The following SUGCT variants were observed in gnomAD, a reference collection of about 807,000 sequenced individuals.
The protein encoded by SUGCT is succinyl-CoA:glutarate-CoA transferase, also known as succinyl-CoA:glutarate CoA-transferase.
A neutral mutation model predicts 55.0 loss-of-function variants in SUGCT; 41 were observed. That is an observed-to-expected ratio of 0.74 (90% CI 0.58 to 0.97). SUGCT has a LOEUF of 0.97. SUGCT is among the 50% of genes least tolerant of loss of function. The pLI, the probability that SUGCT is intolerant of heterozygous loss-of-function variation, is 0.00. For synonymous variants in SUGCT, 187 were observed against 200.4 expected (o/e 0.93, Z 0.56); for missense variants, 568 against 547.8 (o/e 1.04, Z -0.37).
At chr7:40,663,288 GT>G (rs1459265668) in intron 12 of SUGCT, among the ~76,000 whole-genome samples, 1 of 141,092 alleles carries the variant, frequency 7.1e-6, no homozygotes, top group Non-Finnish European at 1.6e-5. Context: ...TGTAATACAT[GT>G]ATATTTCAAA....
Position 40,762,021 on chromosome 7 carries a change from G to A in SUGCT, c.1153+12524G>A, listed in dbSNP as rs76569417. Among the ~76,000 whole-genome samples the A allele has an allele frequency of 7.7e-3, 1,172 of 152,260 alleles. 6 individuals carry two copies. The highest frequency in any genetic ancestry group is 0.011 in the Non-Finnish European group (737 of 68,004). Reference sequence around the variant, plus strand: ...ACCTGTGTGGTAAGAGACCTCCAGTGGGGGGCGGTGATTTCACTCCTAGTG... The same window carrying A: ...ACCTGTGTGGTAAGAGACCTCCAGTAGGGGGCGGTGATTTCACTCCTAGTG... On this transcript the variant is annotated intron_variant, in intron 13 of 13. Coordinates refer to ENST00000335693, the MANE Select transcript of SUGCT (RefSeq NM_001193313.2).
intron 13 of SUGCT, among the ~76,000 whole-genome samples, chr7:40,763,678 T>G (rs928467051): frequency 6.6e-6 from 1 of 152,150 alleles, no homozygotes; most frequent in South Asian, 2.1e-4. Flanking sequence ...GGCGGTTGGC[T>G]CCAGCTCACC....
rs577956254 is a variant in SUGCT, at chr7:40,167,806, G to A, written c.101-13141G>A. ...CAGATCTGGAGGGGTGGAAGTCAGCGGCGGGTCTGCGACAGCAGCAAACAG... is the reference window on the plus strand; with the variant it reads ...CAGATCTGGAGGGGTGGAAGTCAGCAGCGGGTCTGCGACAGCAGCAAACAG... On this transcript the variant is annotated intron_variant, in intron 1 of 13. Coordinates refer to ENST00000335693, the MANE Select transcript of SUGCT (RefSeq NM_001193313.2). Among the ~76,000 whole-genome samples the A allele has an allele frequency of 1.6e-3, 241 of 152,264 alleles. 2 individuals are homozygous for A. The highest frequency in any genetic ancestry group is 5.5e-3 in the African/African-American group (227 of 41,554).
chr7:40,677,682 G>T (rs553636959), intron 12 of SUGCT, among the ~76,000 whole-genome samples: 10 of 152,274 alleles, frequency 6.6e-5, no homozygotes, highest in Non-Finnish European at 7.4e-5. Context: ...TAATAAGAAC[G>T]TTCATATCTT....
intron 13 of SUGCT, among the ~76,000 whole-genome samples, chr7:40,819,397 C>T (rs934995003): frequency 6.6e-6 from 1 of 152,182 alleles, no homozygotes; most frequent in Non-Finnish European, 1.5e-5. Flanking sequence ...GTTCCTATTT[C>T]TCCACATCCT....
At chr7:41,012,891 G>A in the SUGCT span, among the ~76,000 whole-genome samples, 1 of 152,030 alleles carries the variant, frequency 6.6e-6, no homozygotes, top group Middle Eastern at 3.4e-3. Flanking sequence ...AAAATATTTT[G>A]ACCTTGTTTA....
the SUGCT span, among the ~76,000 whole-genome samples, chr7:40,882,883 C>G: frequency 6.6e-6 from 1 of 152,080 alleles, no homozygotes; most frequent in Non-Finnish European, 1.5e-5. Context: ...CAGAATTATT[C>G]CATATTGTTT....
intron 1 of SUGCT, among the ~76,000 whole-genome samples, chr7:40,146,620 C>T (rs1002135573): frequency 5.9e-5 from 9 of 152,248 alleles, no homozygotes; most frequent in Non-Finnish European, 1.3e-4. Flanking sequence ...AGGCACAGAT[C>T]GCTCATGCTA....
intron 9 of SUGCT, among the ~76,000 whole-genome samples, chr7:40,377,723 A>G (rs1784675395): frequency 6.6e-6 from 1 of 152,226 alleles, no homozygotes; most frequent in African/African-American, 2.4e-5. Flanking sequence ...TAGTTACTAT[A>G]TAGTGTCCTT....
chr7:40,623,702 A>G (rs978820564), intron 12 of SUGCT, among the ~76,000 whole-genome samples: 1 of 152,174 alleles, frequency 6.6e-6, no homozygotes, highest in African/African-American at 2.4e-5. Context: ...ATGATCACAC[A>G]CATGTGCACG....
intron 8 of SUGCT, among the ~76,000 whole-genome samples, chr7:40,302,673 ACCTT>A (rs1794604425): frequency 6.6e-6 from 1 of 152,092 alleles, no homozygotes; most frequent in African/African-American, 2.4e-5. Context: ...TCTGAGCTTC[ACCTT>A]CCTTTAAAAG....
At chr7:40,408,589 T>A (rs2151336273) in intron 9 of SUGCT, among the ~76,000 whole-genome samples, 1 of 152,212 alleles carries the variant, frequency 6.6e-6, no homozygotes, top group South Asian at 2.1e-4. Flanking sequence ...GTGGAGGGAA[T>A]CTCAGATTTA....
intron 5 of SUGCT, among the ~76,000 whole-genome samples, chr7:40,191,866 T>C (rs1018955753): frequency 6.6e-6 from 1 of 152,104 alleles, no homozygotes; most frequent in Admixed American, 6.6e-5. Context: ...TCCCAGCACT[T>C]TGGGACGCCG....
intron 11 of SUGCT, among the ~76,000 whole-genome samples, chr7:40,478,733 C>T (rs1384788371): frequency 6.6e-6 from 1 of 152,012 alleles, no homozygotes; most frequent in Non-Finnish European, 1.5e-5. Context: ...AATAAAGTAT[C>T]GTTAACTGCA....
At chr7:40,367,500 A>G (rs1784057156) in intron 9 of SUGCT, among the ~76,000 whole-genome samples, 2 of 152,110 alleles carry the variant, frequency 1.3e-5, no homozygotes, top group Admixed American at 1.3e-4. Flanking sequence ...CGCTAAAAGT[A>G]TATGAACTTA....
intron 12 of SUGCT, among the ~76,000 whole-genome samples, chr7:40,557,647 CCT>C (rs1448851211): frequency 6.6e-6 from 1 of 151,894 alleles, no homozygotes; most frequent in East Asian, 1.9e-4. Context: ...GTGGCATGTG[CCT>C]GTAGTCCCAG....
the SUGCT span, among the ~76,000 whole-genome samples, chr7:40,891,120 A>C: frequency 6.6e-6 from 1 of 152,178 alleles, no homozygotes; most frequent in African/African-American, 2.4e-5. Flanking sequence ...AGTAGAGGAA[A>C]AAAAAAGAAA....
chr7:40,331,607 C>G lies in SUGCT; in HGVS notation c.816+14752C>G, dbSNP rs1272273951. ...TCAGAGACCGCAGGCCTGCTGCTAT[C>G]TTTATCTCCCAGCTGATAACCCAGT... On this transcript the variant is annotated intron_variant, in intron 9 of 13. Coordinates refer to ENST00000335693, the MANE Select transcript of SUGCT (RefSeq NM_001193313.2). Among the ~76,000 whole-genome samples the G allele has an allele frequency of 1.8e-5, 2 of 113,352 alleles. 1 individual carries two copies. Among genetic ancestry groups the G allele is most frequent in the Non-Finnish European group, 3.8e-5 (2 of 53,030 alleles). The allele number at this position is 113,352 out of a possible 152,430, so 74.4% of individuals were successfully genotyped here.
chr7:40,901,040 A>G, the SUGCT span, among the ~76,000 whole-genome samples: 1 of 152,192 alleles, frequency 6.6e-6, no homozygotes, highest in Non-Finnish European at 1.5e-5. Context: ...GGAGTGAGGT[A>G]GTGTTTCCCA....
Sources: allele counts gnomAD v4.1 joint callset (sites outside exome capture counted in the v4.1 genomes callset), GRCh38; gene constraint gnomAD v4.1.1; transcripts MANE v1.5; gene names NCBI Gene and HGNC (gene_info 2026-07-23, HGNC 2026-07-21).